Variants in SLC39A6 observed in about 807,000 individuals in gnomAD.
The protein encoded by SLC39A6 is zinc transporter ZIP6.
A neutral mutation model predicts 63.5 loss-of-function variants in SLC39A6; 51 were observed. The observed-to-expected ratio is 0.80, with a 90% confidence interval of 0.64 to 1.01. SLC39A6 has a LOEUF of 1.01. Ranked by LOEUF, SLC39A6 falls within the 50% of genes least tolerant of loss-of-function variation. SLC39A6 has a pLI of 0.00. For missense variants in SLC39A6, 805 were observed against 927.8 expected, an observed-to-expected ratio of 0.87 and a Z score of 1.72; for synonymous variants, 318 against 324.7, an observed-to-expected ratio of 0.98 and a Z score of 0.22.
chr18:36,118,494 G>A (rs1357801653), intron 5 of SLC39A6, among the ~76,000 whole-genome samples: 1 of 152,158 alleles, frequency 6.6e-6, no homozygotes, highest in East Asian at 1.9e-4. Flanking sequence ...AAGATAGGTA[G>A]GAATTTGGTG....
intron 9 of SLC39A6, 166 bp downstream of exon 9, chr18:36,110,893 A>C: frequency 2.6e-6 from 3 of 1,162,066 alleles, no homozygotes; most frequent in Non-Finnish European, 2.4e-6. Flanking sequence ...CAGGAGGCTG[A>C]GATGGAAGGA....
chr18:36,118,080 G>C (rs1278031555), intron 5 of SLC39A6, among the ~76,000 whole-genome samples: 2 of 150,600 alleles, frequency 1.3e-5, no homozygotes, highest in African/African-American at 4.9e-5. Context: ...CACTTATCCT[G>C]AATATAATGC....
intron 5 of SLC39A6, among the ~76,000 whole-genome samples, chr18:36,120,256 CTTTT>C (rs2089381976): frequency 6.7e-6 from 1 of 148,894 alleles, no homozygotes; most frequent in Non-Finnish European, 1.5e-5. Flanking sequence ...TTTTTTTTTT[CTTTT>C]TGAGATAATT....
chr18:36,124,692 A>G lies in SLC39A6; in HGVS notation c.798T>C (p.Asn266=), dbSNP rs746308700. Residue 266 remains asparagine, a synonymous_variant, in exon 3 of 10, where the codon AAT becomes AAC. Coordinates refer to ENST00000269187, the MANE Select transcript of SLC39A6 (RefSeq NM_012319.4). ...NTNENPQECF[N]ASKLLTSHGM... is the part of the protein sequence containing the mutation. ...CATGAGATGTCAGTAGCTTTGATGC[A>G]TTGAAACACTGAAAGAAACAAAGCA... 4.3e-5 allele frequency: 67 copies of G among 1,540,450 alleles called. 1 individual carries two copies. The highest frequency in any genetic ancestry group is 1.4e-5 in the African/African-American group (1 of 74,056).
rs769469488 is a variant in SLC39A6, at chr18:36,126,885, T to A, written c.123A>T (p.Glu41Asp). Residue 41 changes from glutamate (E) to aspartate (D), a missense_variant, in exon 2 of 10, where the codon GAA becomes GAT. Physicochemically the swap from Glu to Asp is conservative, Grantham distance 45. This residue lies in a region of SLC39A6 where 639 missense variants were observed against 644.0 expected (regional missense o/e 0.99). Coordinates refer to ENST00000269187, the MANE Select transcript of SLC39A6 (RefSeq NM_012319.4). ...QTTEKISPNW[E>D]SGINVDLAIS... Reference sequence around the variant, plus strand: ...TTGCCAAGTCAACATTAATGCCAGATTCCCAATTCGGACTAATTTTCTCAG... The same window carrying A: ...TTGCCAAGTCAACATTAATGCCAGAATCCCAATTCGGACTAATTTTCTCAG... The A allele has an allele frequency of 1.5e-5, 25 of 1,614,094 alleles. No individual in the cohort carries two copies. Among genetic ancestry groups the A allele is most frequent in the Non-Finnish European group, 2.1e-5 (25 of 1,180,034 alleles).
At chr18:36,113,205 C>T (rs1458303543) in intron 7 of SLC39A6, among the ~76,000 whole-genome samples, 1 of 152,064 alleles carries the variant, frequency 6.6e-6, no homozygotes, top group South Asian at 2.1e-4. Flanking sequence ...AGCGTTCCAT[C>T]TACCTCAGCC....
chr18:36,126,362 T>C lies in SLC39A6; in HGVS notation c.646A>G (p.Lys216Glu). Residue 216 changes from lysine (K) to glutamate (E), a missense_variant, in exon 2 of 10, where the codon AAA becomes GAA. Physicochemically the swap from Lys to Glu is moderately conservative, Grantham distance 56. Coordinates refer to ENST00000269187, the MANE Select transcript of SLC39A6 (RefSeq NM_012319.4). ...GGTGGAGTGGAGCTGCTTACATCTT[T>C]GGGGAAGAGTTTTCCAGGTCTTGGA... ...ETPRPGKLFP[K>E]DVSSSTPPSV... is the part of the protein sequence containing the mutation. 1 of 1,614,254 alleles carries C rather than the reference T, an allele frequency of 6.2e-7. No individual in the cohort carries two copies. Among genetic ancestry groups the C allele is most frequent in the Non-Finnish European group, 8.5e-7 (1 of 1,180,048 alleles).
Position 36,124,665 on chromosome 18 carries a change from G to A in SLC39A6, c.825C>T (p.Gly275=). ...CATTCAGCGGAACCTGGATGCCCAT[G>A]CCATGAGATGTCAGTAGCTTTGATG... is the stretch of plus-strand genomic sequence containing the variant. ...FNASKLLTSH[G]MGIQVPLNAT... The change falls in exon 3 of 10, where the codon GGC becomes GGT. Residue 275 remains glycine, a synonymous_variant. Transcript: ENST00000269187. 6.3e-7 allele frequency: 1 copy of A among 1,576,988 alleles called. No individual in the cohort carries two copies. The highest frequency in any genetic ancestry group is 8.7e-7 in the Non-Finnish European group (1 of 1,150,886).
chr18:36,120,729 G>A lies in SLC39A6; in HGVS notation c.1359+1323C>T, dbSNP rs183743182. Among the ~76,000 whole-genome samples, 436 of 152,270 alleles carry A rather than the reference G, an allele frequency of 2.9e-3. 1 individual carries two copies. The highest frequency in any genetic ancestry group is 3.9e-3 in the Non-Finnish European group (264 of 68,018). ...GCTGCTCTCAAACTCCTGGCCTCAA[G>A]CAATCCTGCTGCTTCAGCCTCCCAA... On this transcript the variant is annotated intron_variant, in intron 5 of 9. Coordinates refer to ENST00000269187, the MANE Select transcript of SLC39A6 (RefSeq NM_012319.4).
rs756321007 is a variant in SLC39A6 at position 36,114,160 on chromosome 18, T to A, written c.1780A>T (p.Thr594Ser). The A allele has an allele frequency of 6.2e-7, 1 of 1,614,016 alleles. No homozygotes were observed. The stretch of plus-strand genomic sequence containing the variant: ...CCCATTATCACCATCCAGGCCAGAG[T>A]GGCGACGCCGGCATCTTTCAGCTCC... ...REELKDAGVA[T>S]LAWMVIMGDG... is the part of the protein sequence containing the mutation. The change falls in exon 7 of 10, where the codon ACT becomes TCT. Residue 594 changes from threonine to serine, a missense_variant. Transcript: ENST00000269187.
intron 3 of SLC39A6, among the ~76,000 whole-genome samples, chr18:36,123,903 T>A (rs553206714): frequency 1.3e-5 from 2 of 151,952 alleles, no homozygotes; most frequent in African/African-American, 4.8e-5. Flanking sequence ...ATAGCTCTAA[T>A]GGGAAATTCT....
chr18:36,121,622 C>T (rs2089395028), intron 5 of SLC39A6, among the ~76,000 whole-genome samples: 1 of 152,170 alleles, frequency 6.6e-6, no homozygotes, highest in Admixed American at 6.5e-5. Context: ...TTGCAAAGGG[C>T]AAGTCTGTAA....
At chr18:36,116,578 G>A (rs2144502687) in intron 6 of SLC39A6, 96 bp downstream of exon 6, 1 of 804,754 alleles carries the variant, frequency 1.2e-6, no homozygotes, top group Non-Finnish European at 2.0e-6. Context: ...CCAAAACCAA[G>A]GGACATGGTC....
chr18:36,108,894 T>C lies in SLC39A6; in HGVS notation c.*699A>G, dbSNP rs967310042. 6.6e-6 allele frequency: 1 copy of C among 152,220 alleles called. No homozygotes were observed. The highest frequency in any genetic ancestry group is 1.5e-5 in the Non-Finnish European group (1 of 68,038). 9.4% of individuals were successfully genotyped at this position (152,220 alleles called of 1,614,324 possible). On this transcript the variant is annotated 3_prime_UTR_variant, in exon 10 of 10. Coordinates refer to ENST00000269187, the MANE Select transcript of SLC39A6 (RefSeq NM_012319.4). ...ACGAACATTTTGAAATTCCAATTTC[T>C]TGGTCAAGTGATATATTGCTTGAAT...
intron 2 of SLC39A6, among the ~76,000 whole-genome samples, chr18:36,125,936 G>A (rs1032796271): frequency 6.6e-6 from 1 of 152,068 alleles, no homozygotes; most frequent in Non-Finnish European, 1.5e-5. Context: ...TCTAAAGATA[G>A]CCTTGATATC....
At chr18:36,122,321 A>G (rs1239346922) in intron 4 of SLC39A6, 51 bp from the exon 5 acceptor site, 2 of 1,445,086 alleles carry the variant, frequency 1.4e-6, no homozygotes, top group South Asian at 1.2e-5. Flanking sequence ...TCACACACCG[A>G]GTCAGAAAGT....
Position 36,126,752 on chromosome 18 carries a change from T to C in SLC39A6, c.256A>G (p.Lys86Glu). Residue 86 changes from lysine (K) to glutamate (E), a missense_variant, in exon 2 of 10, where the codon AAG becomes GAG. Coordinates refer to ENST00000269187, the MANE Select transcript of SLC39A6 (RefSeq NM_012319.4). The stretch of plus-strand genomic sequence containing the variant: ...TGGTGTATATGGATTCTTTTAATCT[T>C]ATCTATGCCTATATTTTGAAGTAAT... ...RKLLQNIGID[K>E]IKRIHIHHDH... is the part of the protein sequence containing the mutation. 6.2e-7 allele frequency: 1 copy of C among 1,614,230 alleles called. No homozygotes were observed. The highest frequency in any genetic ancestry group is 8.5e-7 in the Non-Finnish European group (1 of 1,180,026).
At chr18:36,115,590 C>A (rs765927103) in intron 6 of SLC39A6, among the ~76,000 whole-genome samples, 1 of 152,082 alleles carries the variant, frequency 6.6e-6, no homozygotes. Context: ...TGATTTGAGA[C>A]CTGCACAACA....
At chr18:36,116,574 C>T in intron 6 of SLC39A6, 100 bp downstream of exon 6, 1 of 782,848 alleles carries the variant, frequency 1.3e-6, no homozygotes, top group Non-Finnish European at 2.1e-6. Flanking sequence ...AAAACCAAAA[C>T]CAAGGGACAT....
Sources: gnomAD v4.1 joint callset for allele counts (sites outside exome capture counted in the v4.1 genomes callset) on GRCh38, gnomAD v4.1.1 for gene constraint, gnomAD v4.1.1 regional missense constraint, MANE v1.5 for transcripts, NCBI Gene and HGNC (gene_info 2026-07-23, HGNC 2026-07-21) for gene names.